The following DHRSX variants were observed in gnomAD, a reference collection of about 807,000 sequenced individuals.
The protein encoded by DHRSX is polyprenol dehydrogenase.
In DHRSX, 31 loss-of-function variants were observed where a neutral mutation model predicts 34.0. The observed-to-expected ratio is 0.91, with a 90% CI of 0.69 to 1.23. DHRSX has a LOEUF of 1.23. Ranked by LOEUF, DHRSX falls within the 50% of genes most tolerant of loss-of-function variation. The pLI, the probability that DHRSX is intolerant of heterozygous loss-of-function variation, is 0.00. For synonymous variants in DHRSX, 201 were observed against 183.8 expected, an observed-to-expected ratio of 1.09 and a Z score of -0.76; for missense variants, 414 against 428.1, an observed-to-expected ratio of 0.97 and a Z score of 0.29.
intron 6 of DHRSX, among the ~76,000 whole-genome samples, chrX:2,231,952 C>CTCT (rs368551118): frequency 0.84 from 123,791 of 148,164 alleles, 52,056 homozygotes; most frequent in East Asian, 0.94. Flanking sequence ...TCTCCTCCTT[C>CTCT]TCTTTTCTTT....
chrX:2,249,967 T>C (rs2016398528), intron 5 of DHRSX, among the ~76,000 whole-genome samples: 1 of 151,658 alleles, frequency 6.6e-6, no homozygotes, highest in African/African-American at 2.4e-5. Flanking sequence ...ATCGAGACCA[T>C]CCTGGCTAAC....
chrX:2,276,286 G>A (rs778988815), intron 4 of DHRSX, among the ~76,000 whole-genome samples: 52 of 152,282 alleles, frequency 3.4e-4, no homozygotes, highest in Non-Finnish European at 1.5e-5. Flanking sequence ...ATTTTGTAAG[G>A]AATAAGAAAA....
chrX:2,256,561 G>A (rs2041282545), intron 5 of DHRSX, among the ~76,000 whole-genome samples: 1 of 152,138 alleles, frequency 6.6e-6, no homozygotes, highest in Non-Finnish European at 1.5e-5. Flanking sequence ...CTCCCAAAGT[G>A]CTTTCTATTG....
intron 1 of DHRSX, chrX:2,500,312 C>T: frequency 5.3e-6 from 1 of 188,720 alleles, no homozygotes; most frequent in East Asian, 1.3e-4. Context: ...CTCACTTACC[C>T]TGGGGTGGGT....
intron 3 of DHRSX, among the ~76,000 whole-genome samples, chrX:2,402,706 TA>T (rs34360426): frequency 0.29 from 42,855 of 149,570 alleles, 6,307 homozygotes; most frequent in East Asian, 0.43. Flanking sequence ...TTTTTTCTTT[TA>T]AAAAAAAAAA....
At chrX:2,325,692 T>C (rs2042377679) in intron 3 of DHRSX, among the ~76,000 whole-genome samples, 1 of 152,192 alleles carries the variant, frequency 6.6e-6, no homozygotes, top group Admixed American at 6.6e-5. Context: ...CAGCCTTTCC[T>C]GTGGGCTATG....
At chrX:2,433,485 C>A (rs2043953428) in intron 1 of DHRSX, among the ~76,000 whole-genome samples, 1 of 151,916 alleles carries the variant, frequency 6.6e-6, no homozygotes, top group African/African-American at 2.4e-5. Flanking sequence ...TTGCTGCACC[C>A]ATCAACCCAT....
At chrX:2,228,622 C>T (rs2015792103) in intron 6 of DHRSX, among the ~76,000 whole-genome samples, 1 of 151,758 alleles carries the variant, frequency 6.6e-6, no homozygotes, top group South Asian at 2.1e-4. Flanking sequence ...GGTTCTGCCC[C>T]TATTTGACCA....
At chrX:2,230,723 G>T (rs1437490140) in intron 6 of DHRSX, among the ~76,000 whole-genome samples, 1 of 152,116 alleles carries the variant, frequency 6.6e-6, no homozygotes, top group Non-Finnish European at 1.5e-5. Flanking sequence ...ACTGTGACAG[G>T]GCAATCCTGC....
intron 3 of DHRSX, among the ~76,000 whole-genome samples, chrX:2,391,379 T>A (rs1413764653): frequency 6.6e-6 from 1 of 152,158 alleles, no homozygotes; most frequent in East Asian, 1.9e-4. Context: ...GCAAAAGGGA[T>A]GCCGGCAACG....
chrX:2,455,779 A>G (rs765922246), intron 1 of DHRSX, among the ~76,000 whole-genome samples: 2 of 151,820 alleles, frequency 1.3e-5, no homozygotes, highest in East Asian at 3.9e-4. Flanking sequence ...AAGCACACAC[A>G]AAACACTGCA....
At chrX:2,354,827 C>T (rs1339320515) in intron 3 of DHRSX, among the ~76,000 whole-genome samples, 2 of 152,094 alleles carry the variant, frequency 1.3e-5, no homozygotes, top group East Asian at 1.9e-4. Context: ...ACCACAGACA[C>T]GTGTGTCCAT....
chrX:2,270,103 G>A (rs1301680129), intron 4 of DHRSX, among the ~76,000 whole-genome samples: 1 of 152,082 alleles, frequency 6.6e-6, no homozygotes, highest in Non-Finnish European at 1.5e-5. Context: ...ATATGTGCTT[G>A]CTTCTGTGTG....
At chrX:2,322,712 T>C (rs2042327494) in intron 3 of DHRSX, among the ~76,000 whole-genome samples, 1 of 150,408 alleles carries the variant, frequency 6.6e-6, no homozygotes, top group Admixed American at 6.7e-5. Context: ...TTCTTTTCTC[T>C]AGCATACTTT....
intron 1 of DHRSX, among the ~76,000 whole-genome samples, chrX:2,467,485 G>A (rs1010804983): frequency 1.2e-4 from 19 of 152,098 alleles, no homozygotes; most frequent in Non-Finnish European, 2.4e-4. Flanking sequence ...ACTGTAACAG[G>A]GACAACGTGC....
At chrX:2,375,360 G>A (rs1391174073) in intron 3 of DHRSX, among the ~76,000 whole-genome samples, 4 of 138,004 alleles carry the variant, frequency 2.9e-5, no homozygotes, top group African/African-American at 9.8e-5. Context: ...TTCGTTCTTG[G>A]ATATCATGGG....
intron 6 of DHRSX, among the ~76,000 whole-genome samples, chrX:2,224,667 T>C (rs919756706): frequency 3.3e-5 from 5 of 152,050 alleles, no homozygotes; most frequent in Non-Finnish European, 7.4e-5. Flanking sequence ...CACACATACA[T>C]TCGTATGTAC....
intron 1 of DHRSX, among the ~76,000 whole-genome samples, chrX:2,433,591 C>T (rs1208906065): frequency 3.3e-5 from 5 of 151,898 alleles, no homozygotes; most frequent in African/African-American, 4.8e-5. Flanking sequence ...TGTGTGATGT[C>T]CCCCTCCCTG....
chrX:2,459,336 T>C (rs2044362199), intron 1 of DHRSX, among the ~76,000 whole-genome samples: 1 of 151,948 alleles, frequency 6.6e-6, no homozygotes, highest in Non-Finnish European at 1.5e-5. Context: ...GTTATCTGAA[T>C]ATGTAAATTA....
Sources: gnomAD v4.1 joint callset for allele counts (sites outside exome capture counted in the v4.1 genomes callset) on GRCh38, gnomAD v4.1.1 for gene constraint, MANE v1.5 for transcripts, NCBI Gene and HGNC (gene_info 2026-07-23, HGNC 2026-07-21) for gene names.